The following RASGRF2 variants were observed in gnomAD, a reference collection of about 807,000 sequenced individuals.
The protein encoded by RASGRF2 is Ras protein specific guanine nucleotide releasing factor 2.
Under a neutral mutation model 151.0 loss-of-function variants are expected in RASGRF2, and 76 were observed. The observed-to-expected ratio is 0.50, with a 90% CI of 0.42 to 0.61. The LOEUF (loss-of-function observed/expected upper bound fraction) is 0.61, where lower values mean the gene tolerates loss of function less well. Ranked by LOEUF, RASGRF2 falls within the 20% of genes least tolerant of loss-of-function variation. The pLI is 0.00. For missense variants in RASGRF2, 1,148 were observed against 1,564.6 expected, an observed-to-expected ratio of 0.73 and a Z score of 4.49; for synonymous variants, 504 against 566.5, an observed-to-expected ratio of 0.89 and a Z score of 1.57.
chr5:81,011,764 A>G (rs2112315842), intron 1 of RASGRF2, among the ~76,000 whole-genome samples: 1 of 142,412 alleles, frequency 7.0e-6, no homozygotes, highest in South Asian at 2.3e-4. Context: ...AAAAAAAAAA[A>G]AGGAAAAGAA....
At chr5:81,105,572 A>G (rs1752824398) in intron 12 of RASGRF2, among the ~76,000 whole-genome samples, 1 of 152,198 alleles carries the variant, frequency 6.6e-6, no homozygotes, top group Non-Finnish European at 1.5e-5. Context: ...TGCTTAGAAT[A>G]TTAAAGGAAA....
At chr5:81,102,452 T>C (rs34579446) in intron 12 of RASGRF2, among the ~76,000 whole-genome samples, 5,768 of 152,286 alleles carry the variant, frequency 0.038, 270 homozygotes, top group African/African-American at 0.11. Context: ...CCCAGCACTT[T>C]GGGAGGCCAA....
At chr5:81,213,854 TAAAAACAA>T (rs1025117870) in intron 23 of RASGRF2, among the ~76,000 whole-genome samples, 39 of 152,280 alleles carry the variant, frequency 2.6e-4, no homozygotes, top group Admixed American at 6.5e-4. Flanking sequence ...AAATACTGGT[TAAAAACAA>T]AAAAACAAAA....
rs948637530 is a variant in RASGRF2, at chr5:81,123,668, C to G, written c.2497C>G (p.Arg833Gly). The change falls in exon 16 of 27, where the codon CGA becomes GGA. Residue 833 changes from arginine to glycine, a missense_variant. Arg to Gly is a moderately radical substitution (Grantham distance 125). Coordinates refer to ENST00000265080, the MANE Select transcript of RASGRF2 (RefSeq NM_006909.3). ...AGTCCTAGAGTCTGCACCAGCGGAC[C>G]GAGCAGGAGTGGAAAGCTCCCCTGC... Reference protein sequence around the residue: ...KAVLESAPADRAGVESSPAAD... With the variant: ...KAVLESAPADGAGVESSPAAD... 1.2e-6 allele frequency: 2 copies of G among 1,613,856 alleles called. No individual in the cohort carries two copies. The highest frequency in any genetic ancestry group is 1.7e-5 in the Admixed American group (1 of 59,978).
intron 17 of RASGRF2, among the ~76,000 whole-genome samples, chr5:81,146,474 A>G (rs1260347708): frequency 1.4e-5 from 2 of 142,022 alleles, no homozygotes; most frequent in Non-Finnish European, 3.2e-5. Flanking sequence ...TAAGGTATTT[A>G]GAAGTATAAG....
Position 81,217,428 on chromosome 5 carries a change from A to G in RASGRF2, c.3507A>G (p.Pro1169=). Residue 1169 remains proline, a synonymous_variant, in exon 25 of 27, where the codon CCA becomes CCG. Transcript: ENST00000265080. ...TGGCATTTATTGAAGAAGGAACACC[A>G]AACTTTACTGAGGAAGGCCTTGTCA... The part of the protein sequence containing the change: ...TDLAFIEEGT[P]NFTEEGLVNF... 1 of 1,613,608 alleles carries G rather than the reference A, an allele frequency of 6.2e-7. No individual in the cohort carries two copies. The highest frequency in any genetic ancestry group is 1.1e-5 in the South Asian group (1 of 90,926).
At chr5:81,135,665 A>G (rs1182786225) in intron 17 of RASGRF2, among the ~76,000 whole-genome samples, 5 of 152,176 alleles carry the variant, frequency 3.3e-5, no homozygotes, top group Admixed American at 6.5e-5. Context: ...ACCACATTTT[A>G]TTTATCCATT....
Position 81,061,702 on chromosome 5 carries a change from T to A in RASGRF2, c.396-6330T>A, listed in dbSNP as rs117864332. Among the ~76,000 whole-genome samples the A allele has an allele frequency of 5.4e-4, 82 of 151,934 alleles. 5 individuals are homozygous for A. In the East Asian group the frequency reaches 0.016, roughly 30 times the overall value. Reference sequence around the variant, plus strand: ...TTATTTCCTTCCTTCTTTCCTTCCTTTCTGAGATAGGGTCTCATTTTGTCA... The same window carrying A: ...TTATTTCCTTCCTTCTTTCCTTCCTATCTGAGATAGGGTCTCATTTTGTCA... On this transcript the variant is annotated intron_variant, in intron 2 of 26. Coordinates refer to ENST00000265080, the MANE Select transcript of RASGRF2 (RefSeq NM_006909.3).
In RASGRF2 at chr5:81,201,396, C is replaced by G; in HGVS notation, c.2860C>G (p.Pro954Ala). 1 of 1,613,740 alleles carries G rather than the reference C, an allele frequency of 6.2e-7. No homozygotes were observed. The highest frequency in any genetic ancestry group is 2.2e-5 in the East Asian group (1 of 44,872). Reference protein sequence around the residue: ...LNLLEEVLRDPDLLPQERKAA... With the variant: ...LNLLEEVLRDADLLPQERKAA... ...TTTGCTAGAAGAAGTTTTGCGAGAC[C>G]CAGACCTTCTTCCCCAAGAAAGGAA... Residue 954 changes from proline to alanine, a missense_variant, in exon 19 of 27, where the codon CCA becomes GCA. Pro to Ala is a conservative substitution (Grantham distance 27). Around this residue, in one of 5 missense-constraint regions of RASGRF2, gnomAD observed 646 missense variants for 807.4 expected, o/e 0.80. Transcript: ENST00000265080.
intron 1 of RASGRF2, among the ~76,000 whole-genome samples, chr5:80,973,553 C>G (rs1748009322): frequency 6.6e-6 from 1 of 152,194 alleles, no homozygotes; most frequent in Admixed American, 6.5e-5. Context: ...TCCTGGAGGT[C>G]CCTTTAAGCT....
chr5:81,093,708 C>T (rs387639), intron 10 of RASGRF2, among the ~76,000 whole-genome samples: 2 of 151,970 alleles, frequency 1.3e-5, no homozygotes, highest in African/African-American at 4.8e-5. Flanking sequence ...GCCTGGTGTA[C>T]AAGTGTGAGC....
intron 2 of RASGRF2, 33 bp downstream of exon 2, chr5:81,043,016 T>C (rs1239765828): frequency 3.3e-6 from 5 of 1,523,604 alleles, no homozygotes; most frequent in South Asian, 2.4e-5. Context: ...TAGTACTTGA[T>C]TGTCTGGGTC....
intron 18 of RASGRF2, among the ~76,000 whole-genome samples, chr5:81,197,038 A>G (rs970483293): frequency 6.6e-6 from 1 of 152,232 alleles, no homozygotes; most frequent in East Asian, 1.9e-4. Flanking sequence ...TTGGCAATAA[A>G]TAGGTGAAAT....
intron 15 of RASGRF2, among the ~76,000 whole-genome samples, 178 bp downstream of exon 15, chr5:81,114,098 C>T (rs371453958): frequency 1.4e-4 from 21 of 152,296 alleles, no homozygotes; most frequent in Admixed American, 7.8e-4. Flanking sequence ...TCTGGCCCTT[C>T]TGGAACAGAA....
rs775651844 is a variant in RASGRF2 at position 81,112,566 on chromosome 5, G to A, written c.1839-44G>A. On this transcript the variant is annotated intron_variant, in intron 13 of 26. Coordinates refer to ENST00000265080, the MANE Select transcript of RASGRF2 (RefSeq NM_006909.3). ...GAAATATTCAGTGGCCGAGGGGGAA[G>A]CCTCCTCCTGGTTTTACCATCATGT... 8 of 1,609,376 alleles carry A rather than the reference G, an allele frequency of 5.0e-6. No homozygotes were observed. In the African/African-American group the frequency reaches 8.0e-5, roughly 16 times the overall value.
At chr5:81,184,389 TAG>T (rs1754980577) in intron 18 of RASGRF2, among the ~76,000 whole-genome samples, 1 of 152,240 alleles carries the variant, frequency 6.6e-6, no homozygotes, top group African/African-American at 2.4e-5. Flanking sequence ...GGGCTGGCTA[TAG>T]ACATTTCAGA....
intron 1 of RASGRF2, among the ~76,000 whole-genome samples, chr5:80,999,220 T>C (rs1459035594): frequency 6.6e-6 from 1 of 152,156 alleles, no homozygotes; most frequent in Non-Finnish European, 1.5e-5. Context: ...GGCTGACAGG[T>C]CTCTCTGTGT....
chr5:81,149,341 G>C (rs1440529974), intron 17 of RASGRF2, among the ~76,000 whole-genome samples: 1 of 152,240 alleles, frequency 6.6e-6, no homozygotes, highest in Admixed American at 6.5e-5. Context: ...CTTGGATGGA[G>C]TTGGAGGCCA....
At chr5:81,174,841 ATC>A (rs1754738022) in intron 17 of RASGRF2, among the ~76,000 whole-genome samples, 1 of 152,230 alleles carries the variant, frequency 6.6e-6, no homozygotes, top group South Asian at 2.1e-4. Context: ...TATGAAACAT[ATC>A]TGTCTATTTA....
Sources: allele counts gnomAD v4.1 joint callset (sites outside exome capture counted in the v4.1 genomes callset), GRCh38; gene constraint gnomAD v4.1.1; regional missense constraint gnomAD v4.1.1; transcripts MANE v1.5; gene names NCBI Gene and HGNC (gene_info 2026-07-23, HGNC 2026-07-21).